The following CEP63 variants were observed in gnomAD, a reference collection of about 807,000 sequenced individuals.
CEP63 encodes centrosomal protein 63.
CEP63 carries 84 observed loss-of-function variants against 89.1 expected under a neutral mutation model. The ratio of observed to expected loss-of-function variants is 0.94; its 90% CI spans 0.79 to 1.13. CEP63 has a LOEUF of 1.13. Ranked by LOEUF, CEP63 falls within the 50% of genes most tolerant of loss-of-function variation. The probability of loss-of-function intolerance (pLI) is 0.00; values close to 1 mark genes in which losing one functional copy is unlikely to be tolerated. For synonymous variants in CEP63, 267 were observed against 272.5 expected, an observed-to-expected ratio of 0.98 and a Z score of 0.20; for missense variants, 838 against 813.3, an observed-to-expected ratio of 1.03 and a Z score of -0.37.
At chr3:134,631,171 G>A in the CEP63 span, among the ~76,000 whole-genome samples, 1 of 152,170 alleles carries the variant, frequency 6.6e-6, no homozygotes, top group African/African-American at 2.4e-5. Context: ...AAAAATATTT[G>A]AGAAAATAAT....
At chr3:134,627,828 T>C in the CEP63 span, 1 of 1,609,082 alleles carries the variant, frequency 6.2e-7, no homozygotes, top group Non-Finnish European at 8.5e-7. Flanking sequence ...CCTACAATAT[T>C]CCAAAGATCA....
the CEP63 span, among the ~76,000 whole-genome samples, chr3:134,764,258 C>G: frequency 6.6e-6 from 1 of 152,114 alleles, no homozygotes. Flanking sequence ...TTGGGTTTGC[C>G]CTTTCCAAAG....
intron 11 of CEP63, among the ~76,000 whole-genome samples, chr3:134,570,697 C>T (rs981356474): frequency 2.0e-5 from 3 of 152,220 alleles, no homozygotes; most frequent in Admixed American, 6.5e-5. Flanking sequence ...TCCAAAGTCG[C>T]TTCCACATTT....
chr3:134,700,284 G>T, the CEP63 span, among the ~76,000 whole-genome samples: 1 of 152,164 alleles, frequency 6.6e-6, no homozygotes, highest in Non-Finnish European at 1.5e-5. Context: ...GCGCTCAACA[G>T]CTCTCCCCTG....
chr3:134,603,682 C>T, the CEP63 span: 1 of 1,613,890 alleles, frequency 6.2e-7, no homozygotes, highest in African/African-American at 1.3e-5. Flanking sequence ...TGTGCTGCAG[C>T]TTCCCTCCCA....
At chr3:134,524,729 G>A (rs1041478854) in intron 3 of CEP63, among the ~76,000 whole-genome samples, 14 of 152,308 alleles carry the variant, frequency 9.2e-5, no homozygotes, top group African/African-American at 2.6e-4. Context: ...TAGGGATGAA[G>A]CCTACTTGAC....
the CEP63 span, chr3:134,651,200 T>TC: frequency 2.3e-6 from 3 of 1,328,546 alleles, no homozygotes; most frequent in Non-Finnish European, 2.9e-6. Context: ...TGAAAGGAAA[T>TC]CCCCGGGCCC....
chr3:134,610,142 C>T, the CEP63 span: 1 of 1,557,638 alleles, frequency 6.4e-7, no homozygotes, highest in Non-Finnish European at 8.7e-7. Flanking sequence ...CTGCCTGGCA[C>T]ATCCTCCACT....
chr3:134,651,683 CTT>C, the CEP63 span: 1 of 898,590 alleles, frequency 1.1e-6, no homozygotes, highest in African/African-American at 1.8e-5. Context: ...TAACGATCCT[CTT>C]TGATCTGAAA....
At chr3:134,607,233 T>C in the CEP63 span, 2 of 985,468 alleles carry the variant, frequency 2.0e-6, no homozygotes, top group East Asian at 1.1e-4. Context: ...CACGCTGTTA[T>C]TTTAGCTGCA....
chr3:134,610,295 G>A, the CEP63 span: 2 of 1,613,842 alleles, frequency 1.2e-6, no homozygotes, highest in Non-Finnish European at 1.7e-6. Context: ...TTCCAGGCAT[G>A]GTCAAACTCC....
intron 12 of CEP63, among the ~76,000 whole-genome samples, chr3:134,556,305 A>G (rs890114380): frequency 1.3e-5 from 2 of 152,196 alleles, no homozygotes; most frequent in Non-Finnish European, 2.9e-5. Context: ...GCTTCTGTAC[A>G]GCAAAAGAAA....
the CEP63 span, among the ~76,000 whole-genome samples, chr3:134,690,995 C>T: frequency 5.0e-4 from 76 of 152,232 alleles, 1 homozygote; most frequent in African/African-American, 1.7e-3. Flanking sequence ...GTAATCTGCC[C>T]GCCTTGGCCT....
rs975400074 is a variant in CEP63, at chr3:134,563,845, C to T, written c.*2310C>T. The T allele has an allele frequency of 1.3e-5, 2 of 152,330 alleles. No homozygotes were observed. The highest frequency in any genetic ancestry group is 2.4e-5 in the African/African-American group (1 of 41,448). 9.4% of individuals were successfully genotyped at this position (152,330 alleles called of 1,614,324 possible). ...TACTGTGCTCCACCCATGCTGGCGT[C>T]CTTTCTGTTTATTGAGTGCAGCAAG... On this transcript the variant is annotated 3_prime_UTR_variant, in exon 15 of 15. Coordinates refer to ENST00000675561, the MANE Select transcript of CEP63 (RefSeq NM_001353108.3).
chr3:134,731,390 A>G, the CEP63 span, among the ~76,000 whole-genome samples: 1 of 152,242 alleles, frequency 6.6e-6, no homozygotes, highest in African/African-American at 2.4e-5. Context: ...TACATTTCAA[A>G]GAATCAATGA....
chr3:134,625,269 C>A, the CEP63 span: 1 of 734,690 alleles, frequency 1.4e-6, no homozygotes, highest in South Asian at 1.7e-5. Context: ...AAACATTGAG[C>A]CTAAGAGCTA....
the CEP63 span, among the ~76,000 whole-genome samples, chr3:134,675,142 CA>C: frequency 6.6e-6 from 1 of 152,128 alleles, no homozygotes; most frequent in Non-Finnish European, 1.5e-5. Flanking sequence ...AAACTTACCA[CA>C]AAACTTCAGT....
At chr3:134,577,515 C>T (rs1204443286), downstream of CEP63, among the ~76,000 whole-genome samples, 1 of 134,078 alleles carries the variant, frequency 7.5e-6, no homozygotes, top group African/African-American at 2.8e-5. Context: ...CAAGCTCTAC[C>T]TCCCGAGTTC....
the CEP63 span, among the ~76,000 whole-genome samples, chr3:134,707,739 C>CTTTTTTTT: frequency 5.0e-4 from 60 of 120,398 alleles, 3 homozygotes; most frequent in Admixed American, 5.8e-4. Context: ...TGATTCTTTT[C>CTTTTTTTT]TTTTTTTTTT....
Sources: allele counts gnomAD v4.1 joint callset (sites outside exome capture counted in the v4.1 genomes callset), GRCh38; gene constraint gnomAD v4.1.1; transcripts MANE v1.5; gene names NCBI Gene and HGNC (gene_info 2026-07-23, HGNC 2026-07-21).